CMSS1: variants seen among roughly 807,000 people sequenced by gnomAD.
CMSS1 encodes protein CMSS1.
Under a neutral mutation model 43.5 loss-of-function variants are expected in CMSS1, and 33 were observed. That is an observed-to-expected ratio of 0.76 (90% CI 0.57 to 1.01). CMSS1 has a LOEUF of 1.01. CMSS1 is among the 50% of genes least tolerant of loss of function. The pLI is 0.00. For missense variants in CMSS1, 313 were observed against 326.4 expected (o/e 0.96, Z 0.32); for synonymous variants, 115 against 117.2 (o/e 0.98, Z 0.12).
At chr3:99,924,426 T>C (rs1707223523) in intron 1 of CMSS1, 1 of 1,608,784 alleles carries the variant, frequency 6.2e-7, no homozygotes, top group East Asian at 2.2e-5. Flanking sequence ...AGAAAACATT[T>C]ATAGCCTGTT....
intron 1 of CMSS1, among the ~76,000 whole-genome samples, chr3:99,991,073 G>A (rs1469152005): frequency 1.3e-5 from 2 of 152,136 alleles, no homozygotes; most frequent in African/African-American, 4.8e-5. Context: ...AAATGTCACT[G>A]GGGGTCAGTC....
At chr3:100,072,599 C>T (rs1256567306) in intron 1 of CMSS1, among the ~76,000 whole-genome samples, 2 of 152,212 alleles carry the variant, frequency 1.3e-5, no homozygotes, top group Non-Finnish European at 2.9e-5. Context: ...ACCATCGCAC[C>T]CCACCTCCAA....
chr3:99,969,830 C>G (rs1033404803), intron 1 of CMSS1, among the ~76,000 whole-genome samples: 2 of 152,154 alleles, frequency 1.3e-5, no homozygotes, highest in African/African-American at 4.8e-5. Context: ...TGAAGTCACT[C>G]ATTGTCACAA....
intron 1 of CMSS1, among the ~76,000 whole-genome samples, chr3:99,823,919 T>C (rs1942488528): frequency 6.6e-6 from 1 of 151,750 alleles, no homozygotes; most frequent in Admixed American, 6.6e-5. Context: ...CTGGCTTTCT[T>C]TCTTTCTTTT....
chr3:99,880,198 A>G (rs530137602), intron 1 of CMSS1, among the ~76,000 whole-genome samples: 3 of 152,102 alleles, frequency 2.0e-5, no homozygotes, highest in Non-Finnish European at 4.4e-5. Flanking sequence ...GCCCTAGACA[A>G]TCATTTTTCT....
chr3:99,966,491 T>C (rs889208035), intron 1 of CMSS1, among the ~76,000 whole-genome samples: 1 of 152,200 alleles, frequency 6.6e-6, no homozygotes, highest in Non-Finnish European at 1.5e-5. Flanking sequence ...ATTGTTTTTG[T>C]GCAGAGCCCC....
chr3:99,850,191 T>G, intron 1 of CMSS1: 2 of 1,612,448 alleles, frequency 1.2e-6, no homozygotes, highest in Non-Finnish European at 1.7e-6. Context: ...TCACAGTTAA[T>G]GTTTTCAGTT....
rs559963545 is a variant in CMSS1 at position 99,849,451 on chromosome 3, T to A, written c.64+31408T>A. The A allele has an allele frequency of 1.2e-4, 195 of 1,614,156 alleles. 1 individual carries two copies. In the South Asian group the frequency reaches 2.1e-3, roughly 17 times the overall value. On this transcript the variant is annotated intron_variant, in intron 1 of 9. Coordinates refer to ENST00000421999, the MANE Select transcript of CMSS1 (RefSeq NM_032359.4). Reference sequence around the variant, plus strand: ...TAGTTTTTTTTGCAGGACTGAGTGATCTCCCTGGAGGTGACATATTAGGTC... The same window carrying A: ...TAGTTTTTTTTGCAGGACTGAGTGAACTCCCTGGAGGTGACATATTAGGTC...
At position 99,833,293 on chromosome 3, in the gene CMSS1, T is replaced by G. The variant is rs752473084; in HGVS notation, c.64+15250T>G. The G allele has an allele frequency of 2.5e-6, 4 of 1,572,140 alleles. No individual in the cohort carries two copies. In the Admixed American group the frequency reaches 7.0e-5, roughly 27 times the overall value. On this transcript the variant is annotated intron_variant, in intron 1 of 9. Coordinates refer to ENST00000421999, the MANE Select transcript of CMSS1 (RefSeq NM_032359.4). The stretch of plus-strand genomic sequence containing the variant: ...AGCAGTAGAAAGAAGAGGAGTAAAT[T>G]TGTGGAATATATTAAATTCTAAAAG...
At chr3:100,046,079 G>A (rs2065274175) in intron 1 of CMSS1, among the ~76,000 whole-genome samples, 1 of 152,194 alleles carries the variant, frequency 6.6e-6, no homozygotes, top group Admixed American at 6.5e-5. Flanking sequence ...AGAATAGTGA[G>A]GAATTGTAAC....
At chr3:99,897,591 G>C (rs145491312) in intron 1 of CMSS1, among the ~76,000 whole-genome samples, 1 of 152,162 alleles carries the variant, frequency 6.6e-6, no homozygotes, top group African/African-American at 2.4e-5. Context: ...ACAATGGGAT[G>C]CCTTATGATG....
intron 1 of CMSS1, among the ~76,000 whole-genome samples, chr3:99,972,507 T>C (rs1387230940): frequency 2.0e-5 from 3 of 152,192 alleles, no homozygotes; most frequent in Non-Finnish European, 2.9e-5. Context: ...AATAACAGAT[T>C]GGTGACACGG....
At chr3:99,829,200 A>C (rs557047870) in intron 1 of CMSS1, among the ~76,000 whole-genome samples, 1 of 151,178 alleles carries the variant, frequency 6.6e-6, no homozygotes, top group East Asian at 2.0e-4. Flanking sequence ...GTGAAGGATC[A>C]CAAAAAATGT....
At chr3:99,856,185 T>C (rs533606844) in intron 1 of CMSS1, among the ~76,000 whole-genome samples, 17 of 152,364 alleles carry the variant, frequency 1.1e-4, no homozygotes, top group African/African-American at 4.1e-4. Context: ...TAGTTGTACC[T>C]TTGTCTGATG....
At chr3:100,052,133 C>T (rs1341050541) in intron 1 of CMSS1, among the ~76,000 whole-genome samples, 4 of 151,970 alleles carry the variant, frequency 2.6e-5, no homozygotes, top group Non-Finnish European at 4.4e-5. Flanking sequence ...GAGTTCAGTT[C>T]CTTTAGAACT....
intron 1 of CMSS1, among the ~76,000 whole-genome samples, chr3:99,872,582 A>C (rs932631248): frequency 6.6e-6 from 1 of 151,922 alleles, no homozygotes; most frequent in Non-Finnish European, 1.5e-5. Flanking sequence ...GCCTGCCCCC[A>C]CAAACACATC....
chr3:100,168,429 T>C (rs2107530176), intron 6 of CMSS1, among the ~76,000 whole-genome samples: 1 of 152,214 alleles, frequency 6.6e-6, no homozygotes, highest in South Asian at 2.1e-4. Flanking sequence ...GCACAGCAGA[T>C]TGTGCCTATA....
intron 1 of CMSS1, among the ~76,000 whole-genome samples, chr3:100,069,088 T>TATA (rs1408329445): frequency 2.0e-5 from 3 of 152,220 alleles, no homozygotes; most frequent in Admixed American, 2.0e-4. Context: ...CTCATACAAG[T>TATA]CTGGTGCCTC....
intron 1 of CMSS1, among the ~76,000 whole-genome samples, chr3:100,129,808 A>T (rs1446852445): frequency 6.6e-6 from 1 of 152,320 alleles, no homozygotes; most frequent in African/African-American, 2.4e-5. Flanking sequence ...TGCCATCTTT[A>T]TCTAAAATTC....
Sources: gnomAD v4.1 joint callset for allele counts (sites outside exome capture counted in the v4.1 genomes callset) on GRCh38, gnomAD v4.1.1 for gene constraint, MANE v1.5 for transcripts, NCBI Gene and HGNC (gene_info 2026-07-23, HGNC 2026-07-21) for gene names.